The following DTWD2 variants were observed in gnomAD, a reference collection of about 807,000 sequenced individuals.
DTWD2 encodes tRNA-uridine aminocarboxypropyltransferase 2.
Under a neutral mutation model 31.8 loss-of-function variants are expected in DTWD2, and 39 were observed. The ratio of observed to expected loss-of-function variants is 1.22; its 90% CI spans 0.95 to 1.60. The LOEUF (loss-of-function observed/expected upper bound fraction) is 1.60, where lower values mean the gene tolerates loss of function less well. DTWD2 is among the 40% of genes most tolerant of loss of function. The pLI, the probability that DTWD2 is intolerant of heterozygous loss-of-function variation, is 0.00. For missense variants in DTWD2, 515 were observed against 381.5 expected (o/e 1.35, Z -2.92); for synonymous variants, 180 against 142.8 (o/e 1.26, Z -1.86).
chr5:118,967,179 T>C (rs1754871828), intron 1 of DTWD2, among the ~76,000 whole-genome samples: 1 of 152,152 alleles, frequency 6.6e-6, no homozygotes, highest in Admixed American at 6.5e-5. Context: ...TCAGATTTCT[T>C]ACTGTCAAAG....
chr5:118,987,658 T>C (rs543776523), intron 1 of DTWD2, among the ~76,000 whole-genome samples: 1 of 152,354 alleles, frequency 6.6e-6, no homozygotes, highest in East Asian at 1.9e-4. Flanking sequence ...TACAAAAACA[T>C]GAACTCCACT....
At chr5:118,970,413 G>A (rs1754958187) in intron 1 of DTWD2, among the ~76,000 whole-genome samples, 2 of 152,056 alleles carry the variant, frequency 1.3e-5, no homozygotes, top group Admixed American at 6.6e-5. Context: ...CTAATAAAGC[G>A]AGACTCTGTC....
intron 4 of DTWD2, among the ~76,000 whole-genome samples, chr5:118,857,243 G>A (rs1752158662): frequency 6.6e-6 from 1 of 152,114 alleles, no homozygotes; most frequent in African/African-American, 2.4e-5. Flanking sequence ...GTGTGTATAT[G>A]TGTGTGTTAA....
chr5:118,857,758 G>C (rs891996887), intron 4 of DTWD2, among the ~76,000 whole-genome samples: 4 of 152,214 alleles, frequency 2.6e-5, no homozygotes, highest in Admixed American at 2.6e-4. Context: ...GCATGTGCCT[G>C]TTCCCACTAG....
chr5:118,856,460 C>T (rs916994593), intron 4 of DTWD2, among the ~76,000 whole-genome samples: 3 of 152,068 alleles, frequency 2.0e-5, no homozygotes, highest in Non-Finnish European at 4.4e-5. Flanking sequence ...TAAAAATTAA[C>T]CTATCTTGGT....
At chr5:118,843,094 C>CT (rs1265078611) in intron 5 of DTWD2, among the ~76,000 whole-genome samples, 2 of 151,434 alleles carry the variant, frequency 1.3e-5, no homozygotes, top group East Asian at 3.9e-4. Context: ...GTAGCTGGGA[C>CT]TATAGGTGCA....
intron 4 of DTWD2, among the ~76,000 whole-genome samples, chr5:118,873,431 C>T (rs1017829646): frequency 1.2e-4 from 18 of 152,192 alleles, no homozygotes; most frequent in Non-Finnish European, 5.9e-5. Context: ...ACCTTCTGCA[C>T]AGACAGACTG....
At chr5:118,981,390 C>A (rs762851201) in intron 1 of DTWD2, among the ~76,000 whole-genome samples, 15 of 152,164 alleles carry the variant, frequency 9.9e-5, no homozygotes, top group African/African-American at 3.4e-4. Flanking sequence ...AAGAATTAGA[C>A]TGCCAAATAA....
intron 1 of DTWD2, among the ~76,000 whole-genome samples, chr5:118,965,462 T>TGATG (rs55657929): frequency 6.6e-6 from 1 of 152,212 alleles, no homozygotes; most frequent in Non-Finnish European, 1.5e-5. Flanking sequence ...ATGATGATGA[T>TGATG]GCGGTTTTGT....
At chr5:118,964,350 G>A (rs552047427) in intron 1 of DTWD2, among the ~76,000 whole-genome samples, 1 of 152,194 alleles carries the variant, frequency 6.6e-6, no homozygotes, top group African/African-American at 2.4e-5. Flanking sequence ...TCATTTGGTG[G>A]CTGAAAGAGA....
At chr5:118,886,748 TATGAA>T (rs1752876634) in intron 4 of DTWD2, among the ~76,000 whole-genome samples, 1 of 152,232 alleles carries the variant, frequency 6.6e-6, no homozygotes, top group African/African-American at 2.4e-5. Flanking sequence ...TGAATGTTTC[TATGAA>T]ATATTTCTTA....
chr5:118,849,533 C>T (rs1751948351), intron 4 of DTWD2, among the ~76,000 whole-genome samples: 1 of 152,156 alleles, frequency 6.6e-6, no homozygotes, highest in Non-Finnish European at 1.5e-5. Context: ...TGGGTATATA[C>T]CCAAAGGATT....
chr5:118,848,068 C>G (rs1301866470), intron 5 of DTWD2, 22 bp downstream of exon 5: 8 of 1,514,758 alleles, frequency 5.3e-6, no homozygotes, highest in Non-Finnish European at 7.0e-6. Flanking sequence ...CTTTGAAAAA[C>G]TATAACCTTA....
chr5:118,957,610 A>T (rs947954315), intron 1 of DTWD2, among the ~76,000 whole-genome samples: 1 of 152,086 alleles, frequency 6.6e-6, no homozygotes, highest in African/African-American at 2.4e-5. Context: ...ATATATACAC[A>T]TTTGTTTTTC....
chr5:118,918,006 C>A (rs1753617307), intron 4 of DTWD2, among the ~76,000 whole-genome samples: 1 of 151,584 alleles, frequency 6.6e-6, no homozygotes, highest in African/African-American at 2.4e-5. Flanking sequence ...TTCACTATCA[C>A]AAAAACAGCA....
intron 1 of DTWD2, among the ~76,000 whole-genome samples, chr5:118,985,095 A>AATAT (rs1755395197): frequency 6.6e-6 from 1 of 151,880 alleles, no homozygotes; most frequent in South Asian, 2.1e-4. Flanking sequence ...TCCTGGGGCA[A>AATAT]CCACCACTAA....
At chr5:118,971,770 C>A (rs148147478) in intron 1 of DTWD2, among the ~76,000 whole-genome samples, 11 of 152,260 alleles carry the variant, frequency 7.2e-5, no homozygotes, top group African/African-American at 2.6e-4. Flanking sequence ...GAAATGATAA[C>A]AAATAGTCTC....
chr5:118,978,278 G>T (rs1163293679), intron 1 of DTWD2, among the ~76,000 whole-genome samples: 7 of 152,092 alleles, frequency 4.6e-5, no homozygotes, highest in African/African-American at 1.7e-4. Context: ...AACCCTAGAA[G>T]AAAATCCAGG....
At chr5:118,950,885 C>G (rs778129272) in intron 1 of DTWD2, among the ~76,000 whole-genome samples, 1 of 152,064 alleles carries the variant, frequency 6.6e-6, no homozygotes, top group African/African-American at 2.4e-5. Flanking sequence ...GGTTTGAGGG[C>G]TGGAATTTAA....
Sources: gnomAD v4.1 joint callset for allele counts (sites outside exome capture counted in the v4.1 genomes callset) on GRCh38, gnomAD v4.1.1 for gene constraint, MANE v1.5 for transcripts, NCBI Gene and HGNC (gene_info 2026-07-23, HGNC 2026-07-21) for gene names.